MYO10: variants seen among roughly 807,000 people sequenced by gnomAD.
MYO10 encodes the protein unconventional myosin-X.
In MYO10, 133 loss-of-function variants were observed where a neutral mutation model predicts 257.3. The ratio of observed to expected loss-of-function variants is 0.52; its 90% confidence interval spans 0.45 to 0.60. MYO10 has a LOEUF of 0.60. Ranked by LOEUF, MYO10 falls within the 20% of genes least tolerant of loss-of-function variation. MYO10 has a pLI of 0.00. For synonymous variants in MYO10, 1,104 were observed against 1,028.6 expected (o/e 1.07, Z -1.40); for missense variants, 2,399 against 2,635.7 (o/e 0.91, Z 1.97).
At chr5:16,725,808 G>A (rs536392062) in intron 19 of MYO10, among the ~76,000 whole-genome samples, 1 of 144,648 alleles carries the variant, frequency 6.9e-6, no homozygotes, top group Non-Finnish European at 1.5e-5. Context: ...TTTTTTGTGA[G>A]GCGGAGTCTA....
rs557917336 is a variant in MYO10 at position 16,907,495 on chromosome 5, G to C, written c.21+28293C>G. Reference sequence around the variant, plus strand: ...TCACGGGAGATTGCATTTCCCTTTAGAGTGATTTATTGAAAAAAAGAAAAA... The same window carrying C: ...TCACGGGAGATTGCATTTCCCTTTACAGTGATTTATTGAAAAAAAGAAAAA... On this transcript the variant is annotated intron_variant, in intron 1 of 40. Transcript: ENST00000513610. 2.0e-5 allele frequency among the ~76,000 whole-genome samples: 3 copies of C among 152,150 alleles called. No homozygotes were observed. In the South Asian group the frequency reaches 6.2e-4, roughly 32 times the overall value.
chr5:16,928,447 C>T (rs189355593), intron 1 of MYO10, among the ~76,000 whole-genome samples: 1 of 152,148 alleles, frequency 6.6e-6, no homozygotes, highest in Non-Finnish European at 1.5e-5. Flanking sequence ...CCTGCCTCGG[C>T]CTCCCAAAGT....
chr5:16,688,153 C>T (rs549475725), intron 28 of MYO10, among the ~76,000 whole-genome samples: 5 of 152,300 alleles, frequency 3.3e-5, no homozygotes, highest in African/African-American at 1.2e-4. Context: ...CACAAACAAC[C>T]ACATGTGGTC....
intron 19 of MYO10, among the ~76,000 whole-genome samples, chr5:16,752,369 G>A (rs1390065176): frequency 4.6e-5 from 7 of 152,026 alleles, no homozygotes; most frequent in South Asian, 2.1e-4. Context: ...TGCAGCCTCC[G>A]CCTCCCGGGT....
At chr5:16,828,904 A>G (rs1743083015) in intron 2 of MYO10, among the ~76,000 whole-genome samples, 1 of 151,640 alleles carries the variant, frequency 6.6e-6, no homozygotes, top group African/African-American at 2.4e-5. Flanking sequence ...GTTTAATCTC[A>G]CTCATTTATT....
At chr5:16,928,648 A>G (rs1746206099) in intron 1 of MYO10, among the ~76,000 whole-genome samples, 1 of 151,938 alleles carries the variant, frequency 6.6e-6, no homozygotes, top group Non-Finnish European at 1.5e-5. Flanking sequence ...AATCGAGACC[A>G]TTCTGGCCAA....
intron 3 of MYO10, among the ~76,000 whole-genome samples, chr5:16,811,757 C>A (rs766156582): frequency 7.9e-5 from 12 of 152,248 alleles, no homozygotes; most frequent in Non-Finnish European, 1.5e-4. Flanking sequence ...CGCCAAATTG[C>A]CCAGGCTTGT....
In MYO10 at chr5:16,701,720, C is replaced by T. The variant is rs760142735; in HGVS notation, c.2675G>A (p.Arg892His). The change falls in exon 25 of 41, where the codon CGT (arginine) becomes CAT (histidine). Residue 892 changes from arginine (R) to histidine (H), a missense_variant. Transcript: ENST00000513610. The surrounding 1 kb of genome is among the most constrained non-coding windows in gnomAD (Gnocchi z 8.1). ...CAGGTCCTCGATTTCTTTCTCCAGA[C>T]GGAGGATCTCTTCCACCTGCTTATT... ...KENKQVEEIL[R>H]LEKEIEDLQR... The T allele has an allele frequency of 1.3e-5, 21 of 1,613,894 alleles. No homozygotes were observed. Among genetic ancestry groups the T allele is most frequent in the Admixed American group, 5.0e-5 (3 of 60,006 alleles).
At chr5:16,792,501 T>A (rs761686681) in intron 4 of MYO10, among the ~76,000 whole-genome samples, 1 of 152,090 alleles carries the variant, frequency 6.6e-6, no homozygotes, top group African/African-American at 2.4e-5. Context: ...ACATTCTCCA[T>A]CCATTTCCCT....
At chr5:16,723,212 G>A (rs1006733600) in intron 19 of MYO10, among the ~76,000 whole-genome samples, 11 of 151,340 alleles carry the variant, frequency 7.3e-5, no homozygotes, top group Admixed American at 3.3e-4. Flanking sequence ...GTGAAACCCC[G>A]TCTCTACTAA....
Position 16,664,129 on chromosome 5 carries a change from C to T in MYO10, c.*2563G>A, listed in dbSNP as rs1433015979. On this transcript the variant is annotated 3_prime_UTR_variant, in exon 41 of 41. Coordinates refer to ENST00000513610, the MANE Select transcript of MYO10 (RefSeq NM_012334.3). ...GAAACTGAAGGGCACGCAGGCCTCC[C>T]TGTACGTTCTGTTGCAACTTTCTCT... is the stretch of plus-strand genomic sequence containing the variant. 6.6e-6 allele frequency: 1 copy of T among 152,134 alleles called. No individual in the cohort carries two copies. Among genetic ancestry groups the T allele is most frequent in the Admixed American group, 6.6e-5 (1 of 15,256 alleles). 9.4% of individuals were successfully genotyped at this position (152,134 alleles called of 1,614,324 possible).
At chr5:16,745,209 G>A (rs146851242) in intron 19 of MYO10, among the ~76,000 whole-genome samples, 2,095 of 152,136 alleles carry the variant, frequency 0.014, 40 homozygotes, top group African/African-American at 0.047. Flanking sequence ...GAGTGGTGGC[G>A]GGTATCTGTA....
rs149109928 is a variant in MYO10, at chr5:16,924,111, A to G, written c.21+11677T>C. The stretch of plus-strand genomic sequence containing the variant: ...TCTCAAAAAACTAAAGTAAAACTCC[A>G]TACAAATAATTCTCCAAATGAATGT... On this transcript the variant is annotated intron_variant, in intron 1 of 40. Coordinates refer to ENST00000513610, the MANE Select transcript of MYO10 (RefSeq NM_012334.3). Among the ~76,000 whole-genome samples, 49 of 152,272 alleles carry G rather than the reference A, an allele frequency of 3.2e-4. No homozygotes were observed. The East Asian group carries it at 9.5e-3, about 29-fold the overall frequency.
intron 2 of MYO10, among the ~76,000 whole-genome samples, chr5:16,845,355 T>G (rs1044418504): frequency 1.3e-5 from 2 of 152,152 alleles, no homozygotes; most frequent in African/African-American, 2.4e-5. Context: ...GTCCTTCCCA[T>G]TTTCGGCGTG....
intron 3 of MYO10, among the ~76,000 whole-genome samples, chr5:16,804,234 C>G (rs745397683): frequency 6.6e-6 from 1 of 152,186 alleles, no homozygotes; most frequent in Non-Finnish European, 1.5e-5. Flanking sequence ...GGGCGACCCA[C>G]CCACTCCCTT....
At chr5:16,875,722 C>T (rs1441055669) in intron 2 of MYO10, among the ~76,000 whole-genome samples, 1 of 152,188 alleles carries the variant, frequency 6.6e-6, no homozygotes, top group African/African-American at 2.4e-5. Context: ...AAGTAGACCG[C>T]CCCTGCTAAG....
chr5:16,924,488 A>G lies in MYO10; in HGVS notation c.21+11300T>C, dbSNP rs140657697. Among the ~76,000 whole-genome samples the G allele has an allele frequency of 3.5e-3, 531 of 152,192 alleles. 1 individual carries two copies. The highest frequency in any genetic ancestry group is 0.017 in the Middle Eastern group (5 of 294). On this transcript the variant is annotated intron_variant, in intron 1 of 40. Transcript: ENST00000513610. ...GAAACTTCCACTGCCAAATAATCCA[A>G]ATAAGAATCTGCAAACTTTGTGATC...
At chr5:16,875,400 C>T (rs538793936) in intron 2 of MYO10, among the ~76,000 whole-genome samples, 4 of 152,226 alleles carry the variant, frequency 2.6e-5, no homozygotes, top group African/African-American at 7.2e-5. Context: ...TTAAGCAGTG[C>T]CTGATACTAA....
chr5:16,813,893 G>A (rs1226057008), intron 3 of MYO10, among the ~76,000 whole-genome samples: 1 of 152,186 alleles, frequency 6.6e-6, no homozygotes, highest in African/African-American at 2.4e-5. Flanking sequence ...GATGAAGAAA[G>A]GGAGCCACAG....
Sources: gnomAD v4.1 joint callset for allele counts (sites outside exome capture counted in the v4.1 genomes callset) on GRCh38, gnomAD v4.1.1 for gene constraint, Gnocchi (gnomAD v3.1) non-coding constraint, MANE v1.5 for transcripts, NCBI Gene and HGNC (gene_info 2026-07-23, HGNC 2026-07-21) for gene names.